The following SFMBT1 variants were observed in gnomAD, a reference collection of about 807,000 sequenced individuals.
SFMBT1 encodes scm-like with four MBT domains protein 1.
In SFMBT1, 32 loss-of-function variants were observed where a neutral mutation model predicts 108.7. The ratio of observed to expected loss-of-function variants is 0.29; its 90% CI spans 0.22 to 0.40. The LOEUF is 0.40. Among genes scored for constraint, SFMBT1 ranks in the 10% least tolerant of loss-of-function variants. The probability of loss-of-function intolerance (pLI) is 1.00; values close to 1 mark genes in which losing one functional copy is unlikely to be tolerated. For synonymous variants in SFMBT1, 348 were observed against 369.5 expected (o/e 0.94, Z 0.67); for missense variants, 816 against 1,059.6 (o/e 0.77, Z 3.19).
intron 2 of SFMBT1, among the ~76,000 whole-genome samples, chr3:52,961,584 A>C (rs1383403564): frequency 6.6e-6 from 1 of 152,206 alleles, no homozygotes; most frequent in Non-Finnish European, 1.5e-5. Flanking sequence ...GAAAGTGGTA[A>C]ATTTTACATT....
intron 16 of SFMBT1, among the ~76,000 whole-genome samples, chr3:52,911,494 G>A (rs1196711778): frequency 6.6e-6 from 1 of 152,152 alleles, no homozygotes; most frequent in Admixed American, 6.5e-5. Context: ...TTTTCACTAA[G>A]TCTTTCTTTA....
Position 52,905,054 on chromosome 3 carries a change from T to A in SFMBT1, c.*82A>T. The A allele has an allele frequency of 6.4e-7, 1 of 1,559,874 alleles. No homozygotes were observed. Among genetic ancestry groups the A allele is most frequent in the Non-Finnish European group, 8.7e-7 (1 of 1,150,382 alleles). Reference sequence around the variant, plus strand: ...CCTGCAGGCCCCAGAGCCCCAGGACTATTCCAGCTCCACTTATAAAGCAGG... The same window carrying A: ...CCTGCAGGCCCCAGAGCCCCAGGACAATTCCAGCTCCACTTATAAAGCAGG... On this transcript the variant is annotated 3_prime_UTR_variant, in exon 21 of 21. Coordinates refer to ENST00000394752, the MANE Select transcript of SFMBT1 (RefSeq NM_016329.4).
At chr3:53,031,265 A>ACAC (rs1006122316) in intron 1 of SFMBT1, among the ~76,000 whole-genome samples, 2 of 152,200 alleles carry the variant, frequency 1.3e-5, no homozygotes, top group African/African-American at 4.8e-5. Context: ...CTCATCAGTC[A>ACAC]CACAGGGCAA....
chr3:52,960,223 A>G (rs531265342), intron 2 of SFMBT1, among the ~76,000 whole-genome samples: 1 of 152,196 alleles, frequency 6.6e-6, no homozygotes, highest in Admixed American at 6.5e-5. Context: ...TTATGAATAC[A>G]TGCATATTAA....
intron 4 of SFMBT1, among the ~76,000 whole-genome samples, chr3:52,935,265 A>C (rs569591456): frequency 6.6e-6 from 1 of 152,330 alleles, no homozygotes; most frequent in Admixed American, 6.5e-5. Context: ...CTGTCACCTC[A>C]TGGCCAATCT....
chr3:52,929,262 G>C (rs913319442), intron 8 of SFMBT1, among the ~76,000 whole-genome samples: 1 of 151,692 alleles, frequency 6.6e-6, no homozygotes, highest in Admixed American at 6.6e-5. Flanking sequence ...ATTTAGAGAC[G>C]GAGTTTCGCT....
chr3:52,905,029 C>A lies in SFMBT1; in HGVS notation c.*107G>T. ...AAAGTGCAAAGAGAGCAAGCTGATA[C>A]CTGCAGGCCCCAGAGCCCCAGGACT... On this transcript the variant is annotated 3_prime_UTR_variant, in exon 21 of 21. Coordinates refer to ENST00000394752, the MANE Select transcript of SFMBT1 (RefSeq NM_016329.4). 4 of 1,445,676 alleles carry A rather than the reference C, an allele frequency of 2.8e-6. No homozygotes were observed. Among genetic ancestry groups the A allele is most frequent in the Non-Finnish European group, 3.7e-6 (4 of 1,078,146 alleles). The allele number at this position is 1,445,676 out of a possible 1,614,324, so 89.6% of individuals were successfully genotyped here.
At chr3:53,004,781 A>C (rs1346643597) in intron 1 of SFMBT1, among the ~76,000 whole-genome samples, 3 of 138,174 alleles carry the variant, frequency 2.2e-5, no homozygotes, top group Non-Finnish European at 5.1e-5. Context: ...TAGGGCCTCC[A>C]CCTTGATGCC....
chr3:53,015,498 A>T (rs1044405375), intron 1 of SFMBT1, among the ~76,000 whole-genome samples: 1 of 152,256 alleles, frequency 6.6e-6, no homozygotes, highest in African/African-American at 2.4e-5. Context: ...TCACAGCAGC[A>T]TTACTGACAA....
intron 1 of SFMBT1, among the ~76,000 whole-genome samples, chr3:53,035,848 C>T (rs2106966531): frequency 6.6e-6 from 1 of 152,360 alleles, no homozygotes; most frequent in African/African-American, 2.4e-5. Context: ...CCACCTCAGC[C>T]TCCCAAAATA....
intron 2 of SFMBT1, among the ~76,000 whole-genome samples, chr3:52,968,345 G>A (rs1559530841): frequency 6.6e-6 from 1 of 151,460 alleles, no homozygotes; most frequent in African/African-American, 2.4e-5. Context: ...TTTTGACTGA[G>A]GGGATGGTTC....
chr3:53,012,493 C>G (rs1451846119), intron 1 of SFMBT1, among the ~76,000 whole-genome samples: 1 of 151,238 alleles, frequency 6.6e-6, no homozygotes, highest in African/African-American at 2.4e-5. Context: ...AGCTCCGCCT[C>G]CCGGATTCAC....
intron 3 of SFMBT1, among the ~76,000 whole-genome samples, chr3:52,947,051 CG>C (rs1703392435): frequency 6.6e-6 from 1 of 151,844 alleles, no homozygotes; most frequent in African/African-American, 2.4e-5. Flanking sequence ...GGATTACAGG[CG>C]TGAGTCACCA....
chr3:52,906,062 T>C (rs764103320), intron 20 of SFMBT1, 51 bp downstream of exon 20: 9 of 1,591,418 alleles, frequency 5.7e-6, no homozygotes, highest in African/African-American at 1.3e-5. Flanking sequence ...ATTACATCCA[T>C]AATTTATTGC....
intron 4 of SFMBT1, among the ~76,000 whole-genome samples, chr3:52,936,442 T>C (rs1451977597): frequency 6.6e-6 from 1 of 152,206 alleles, no homozygotes; most frequent in Non-Finnish European, 1.5e-5. Context: ...TATGAAGTCA[T>C]ACATTAAAAC....
At chr3:52,958,847 T>G (rs940820715) in intron 2 of SFMBT1, among the ~76,000 whole-genome samples, 1 of 152,126 alleles carries the variant, frequency 6.6e-6, no homozygotes, top group Non-Finnish European at 1.5e-5. Context: ...GGCAGTACTA[T>G]TCTCAATAGC....
intron 1 of SFMBT1, among the ~76,000 whole-genome samples, chr3:53,030,590 T>C (rs576161670): frequency 1.8e-4 from 25 of 141,674 alleles, no homozygotes; most frequent in African/African-American, 6.0e-4. Context: ...TTGAATTCAG[T>C]AAAACAGGGG....
intron 1 of SFMBT1, among the ~76,000 whole-genome samples, chr3:52,989,607 T>C (rs1041147749): frequency 2.0e-5 from 3 of 151,908 alleles, no homozygotes; most frequent in Non-Finnish European, 4.4e-5. Context: ...GAGAACAGCC[T>C]GGCTAACACG....
At chr3:53,039,813 T>C (rs1378960825) in intron 1 of SFMBT1, among the ~76,000 whole-genome samples, 2 of 151,444 alleles carry the variant, frequency 1.3e-5, no homozygotes, top group African/African-American at 4.9e-5. Context: ...TTTGGTATAC[T>C]TTTTTTTTAT....
Sources: allele counts gnomAD v4.1 joint callset (sites outside exome capture counted in the v4.1 genomes callset), GRCh38; gene constraint gnomAD v4.1.1; transcripts MANE v1.5; gene names NCBI Gene and HGNC (gene_info 2026-07-23, HGNC 2026-07-21).